The following PTPRR variants were observed in gnomAD, a reference collection of about 807,000 sequenced individuals.
The protein encoded by PTPRR is protein tyrosine phosphatase receptor type R.
PTPRR carries 38 observed loss-of-function variants against 77.2 expected under a neutral mutation model. The observed-to-expected ratio is 0.49, with a 90% confidence interval of 0.38 to 0.65. The LOEUF (loss-of-function observed/expected upper bound fraction) is 0.65. Among genes scored for constraint, PTPRR ranks in the 30% least tolerant of loss-of-function variants. PTPRR has a pLI of 0.00. For missense variants in PTPRR, 744 were observed against 799.2 expected (o/e 0.93, Z 0.83); for synonymous variants, 299 against 283.1 (o/e 1.06, Z -0.57).
chr12:70,847,610 C>T, intron 2 of PTPRR, among the ~76,000 whole-genome samples: 1 of 152,100 alleles, frequency 6.6e-6, no homozygotes, highest in Non-Finnish European at 1.5e-5. Flanking sequence ...TCCACTTGAA[C>T]CAAGTTTAAA....
chr12:70,739,252 C>T (rs774277373), intron 6 of PTPRR, among the ~76,000 whole-genome samples: 1 of 152,100 alleles, frequency 6.6e-6, no homozygotes, highest in Admixed American at 6.6e-5. Flanking sequence ...TATTAGATTT[C>T]CTTTTCCTTC....
intron 2 of PTPRR, among the ~76,000 whole-genome samples, chr12:70,858,022 T>C (rs186291451): frequency 1.2e-4 from 18 of 152,162 alleles, no homozygotes; most frequent in Middle Eastern, 3.4e-3. Flanking sequence ...TTCTTGACAT[T>C]ATATTCTCTC....
intron 2 of PTPRR, among the ~76,000 whole-genome samples, chr12:70,867,610 C>A (rs935799111): frequency 2.5e-4 from 38 of 151,640 alleles, no homozygotes; most frequent in African/African-American, 8.9e-4. Context: ...GGCCATACTG[C>A]CCAAGGTAAT....
rs1566047087 is a variant in PTPRR at position 70,656,749 on chromosome 12, CCTT to C, written c.1832_1834del (p.Glu611del). The C allele has an allele frequency of 3.7e-6, 6 of 1,613,876 alleles. No homozygotes were observed. The highest frequency in any genetic ancestry group is 1.7e-5 in the Admixed American group (1 of 60,000). ...GACAATGCTTAGTGCATCCACAACTCCTTCTTCTTTCAGCTGTTGACAGCCAAT... is the reference window on the plus strand; with the variant it reads ...GACAATGCTTAGTGCATCCACAACTCCTTCTTTCAGCTGTTGACAGCCAAT... On this transcript the variant is annotated inframe_deletion, in exon 13 of 14. Transcript: ENST00000283228.
chr12:70,659,029 A>C (rs1010093688), intron 12 of PTPRR, among the ~76,000 whole-genome samples: 1 of 151,186 alleles, frequency 6.6e-6, no homozygotes, highest in Non-Finnish European at 1.5e-5. Context: ...CCGCCTCCCA[A>C]GTAGCTAGGA....
chr12:70,814,219 C>T (rs1407199579), intron 2 of PTPRR, among the ~76,000 whole-genome samples: 1 of 152,154 alleles, frequency 6.6e-6, no homozygotes, highest in African/African-American at 2.4e-5. Context: ...CCTAGAGGGG[C>T]AGGCTGTCCC....
intron 10 of PTPRR, 108 bp from the exon 11 acceptor site, chr12:70,662,713 C>A: frequency 1.8e-6 from 1 of 566,162 alleles, no homozygotes; most frequent in Non-Finnish European, 3.1e-6. Flanking sequence ...TTTAAAATAT[C>A]AAATATCAAT....
chr12:70,692,191 T>C (rs1888078600), intron 8 of PTPRR, among the ~76,000 whole-genome samples: 1 of 152,206 alleles, frequency 6.6e-6, no homozygotes, highest in African/African-American at 2.4e-5. Context: ...AGGTATTGTA[T>C]ATAATCCTAT....
intron 2 of PTPRR, among the ~76,000 whole-genome samples, chr12:70,823,076 CTT>C (rs1055332677): frequency 4.4e-4 from 67 of 150,790 alleles, no homozygotes; most frequent in Non-Finnish European, 7.4e-5. Context: ...CTCTCTCTCT[CTT>C]TTCTCTTCTC....
chr12:70,916,343 A>G (rs926421121), intron 1 of PTPRR, among the ~76,000 whole-genome samples: 1 of 152,202 alleles, frequency 6.6e-6, no homozygotes, highest in South Asian at 2.1e-4. Flanking sequence ...AGGTAAAAAA[A>G]GAAGAAAGTA....
At chr12:70,768,701 A>C (rs1212405935) in intron 2 of PTPRR, among the ~76,000 whole-genome samples, 1 of 152,204 alleles carries the variant, frequency 6.6e-6, no homozygotes, top group Admixed American at 6.5e-5. Flanking sequence ...GCAGAGATAC[A>C]ACAAAAAAAG....
chr12:70,907,286 A>G (rs1027105986), intron 1 of PTPRR, among the ~76,000 whole-genome samples: 1 of 152,216 alleles, frequency 6.6e-6, no homozygotes, highest in African/African-American at 2.4e-5. Flanking sequence ...CCTGAATCCC[A>G]TTAGAGTAAG....
At chr12:70,684,394 C>T in intron 9 of PTPRR, 130 bp from the exon 10 acceptor site, 1 of 955,814 alleles carries the variant, frequency 1.0e-6, no homozygotes, top group Non-Finnish European at 1.5e-6. Context: ...TTCACTGACT[C>T]TAGTACAACA....
chr12:70,905,234 A>G (rs746295449), intron 1 of PTPRR, among the ~76,000 whole-genome samples: 15 of 152,002 alleles, frequency 9.9e-5, no homozygotes, highest in South Asian at 2.1e-4. Context: ...GATGGTGTCT[A>G]TATTTTCTGT....
intron 10 of PTPRR, among the ~76,000 whole-genome samples, chr12:70,669,568 A>ACG (rs1887140607): frequency 1.3e-5 from 2 of 151,274 alleles, no homozygotes. Flanking sequence ...ATACACACAC[A>ACG]CACACACACA....
intron 6 of PTPRR, among the ~76,000 whole-genome samples, chr12:70,710,221 A>T (rs1438567837): frequency 6.6e-6 from 1 of 152,174 alleles, no homozygotes; most frequent in Admixed American, 6.6e-5. Context: ...CCAATGGAAC[A>T]GAATAGAGAT....
chr12:70,864,733 G>A lies in PTPRR; in HGVS notation c.357+27946C>T, dbSNP rs1030821253. Reference sequence around the variant, plus strand: ...GTGTTGTGGGAGGGACCTGGTGAGAGAGAATTGAATCATAGATGCAGTTTC... The same window carrying A: ...GTGTTGTGGGAGGGACCTGGTGAGAAAGAATTGAATCATAGATGCAGTTTC... On this transcript the variant is annotated intron_variant, in intron 2 of 13. Transcript: ENST00000283228. Among the ~76,000 whole-genome samples the A allele has an allele frequency of 4.1e-4, 62 of 152,170 alleles. 1 individual carries two copies. The highest frequency in any genetic ancestry group is 7.3e-5 in the Non-Finnish European group (5 of 68,030).
chr12:70,671,527 G>T (rs1355617103), intron 10 of PTPRR, among the ~76,000 whole-genome samples: 1 of 152,102 alleles, frequency 6.6e-6, no homozygotes, highest in African/African-American at 2.4e-5. Context: ...TCTGAATTAT[G>T]TGGTCAAAGA....
chr12:70,808,881 A>G (rs1456363709), intron 2 of PTPRR, among the ~76,000 whole-genome samples: 1 of 152,010 alleles, frequency 6.6e-6, no homozygotes, highest in South Asian at 2.1e-4. Context: ...AAAATCCCCA[A>G]CCTAAGTGCT....
Sources: gnomAD v4.1 joint callset for allele counts (sites outside exome capture counted in the v4.1 genomes callset) on GRCh38, gnomAD v4.1.1 for gene constraint, MANE v1.5 for transcripts, NCBI Gene and HGNC (gene_info 2026-07-23, HGNC 2026-07-21) for gene names.